The following DNAAF11 variants were observed in gnomAD, a reference collection of about 807,000 sequenced individuals.
DNAAF11 encodes leucine rich repeat containing 6.
Under a neutral mutation model 60.8 loss-of-function variants are expected in DNAAF11, and 45 were observed. The ratio of observed to expected loss-of-function variants is 0.74; its 90% CI spans 0.58 to 0.95. DNAAF11 has a LOEUF of 0.95. Among genes scored for constraint, DNAAF11 ranks in the 40% least tolerant of loss-of-function variants. The pLI, the probability that DNAAF11 is intolerant of heterozygous loss-of-function variation, is 0.00. For synonymous variants in DNAAF11, 191 were observed against 183.5 expected, an observed-to-expected ratio of 1.04 and a Z score of -0.33; for missense variants, 546 against 546.2, an observed-to-expected ratio of 1.00 and a Z score of 0.00.
At chr8:132,676,137 A>G (rs529332942), upstream of DNAAF11, among the ~76,000 whole-genome samples, 1 of 152,192 alleles carries the variant, frequency 6.6e-6, no homozygotes, top group Non-Finnish European at 1.5e-5. Flanking sequence ...TTTCCGGCTA[A>G]CAAGCTTTCC....
chr8:132,612,344 A>G (rs1307360964), intron 8 of DNAAF11, among the ~76,000 whole-genome samples: 2 of 152,158 alleles, frequency 1.3e-5, no homozygotes, highest in Non-Finnish European at 2.9e-5. Flanking sequence ...CTACAGCTTC[A>G]CATGTGATAT....
chr8:132,595,734 A>G (rs779494002), intron 10 of DNAAF11, among the ~76,000 whole-genome samples: 1 of 152,174 alleles, frequency 6.6e-6, no homozygotes, highest in Non-Finnish European at 1.5e-5. Flanking sequence ...ATAATTTCAT[A>G]ATAGGAAAGA....
At chr8:132,624,020 T>C (rs1820006762) in intron 6 of DNAAF11, among the ~76,000 whole-genome samples, 1 of 152,090 alleles carries the variant, frequency 6.6e-6, no homozygotes, top group Non-Finnish European at 1.5e-5. Context: ...CAGCCTTACT[T>C]TATTAGGTAA....
the DNAAF11 span, among the ~76,000 whole-genome samples, chr8:132,689,120 T>A: frequency 6.6e-6 from 1 of 152,228 alleles, no homozygotes; most frequent in Non-Finnish European, 1.5e-5. Context: ...ATGGCACATG[T>A]CACAAAATCT....
the DNAAF11 span, among the ~76,000 whole-genome samples, chr8:132,689,336 A>AGAGT: frequency 7.2e-5 from 11 of 152,322 alleles, no homozygotes; most frequent in African/African-American, 2.2e-4. Flanking sequence ...GGGGGGAACT[A>AGAGT]GAGTTTTGGT....
intron 1 of DNAAF11, among the ~76,000 whole-genome samples, chr8:132,666,817 T>G (rs1015301982): frequency 6.6e-6 from 1 of 152,172 alleles, no homozygotes; most frequent in Non-Finnish European, 1.5e-5. Flanking sequence ...AAGCACAGTG[T>G]GCATACCACT....
chr8:132,610,670 C>T (rs1355295265), intron 9 of DNAAF11, among the ~76,000 whole-genome samples: 1 of 151,946 alleles, frequency 6.6e-6, no homozygotes, highest in Non-Finnish European at 1.5e-5. Context: ...AATGGGTGTA[C>T]AATTTAATTT....
intron 11 of DNAAF11, among the ~76,000 whole-genome samples, chr8:132,578,852 C>T (rs1393981943): frequency 6.6e-6 from 1 of 152,240 alleles, no homozygotes; most frequent in Non-Finnish European, 1.5e-5. Context: ...TGAAGTTGTG[C>T]TTTGGTCAAT....
At chr8:132,600,759 A>AT (rs1260317607) in intron 10 of DNAAF11, among the ~76,000 whole-genome samples, 33 of 152,172 alleles carry the variant, frequency 2.2e-4, no homozygotes, top group Admixed American at 7.9e-4. Context: ...CTTACACCTT[A>AT]ACAAAAATTA....
chr8:132,633,697 G>C (rs2130472877), intron 4 of DNAAF11, among the ~76,000 whole-genome samples: 1 of 152,242 alleles, frequency 6.6e-6, no homozygotes, highest in Non-Finnish European at 1.5e-5. Flanking sequence ...GATCTTGAAT[G>C]ATCAGGATGA....
intron 10 of DNAAF11, among the ~76,000 whole-genome samples, chr8:132,596,827 G>A (rs992763636): frequency 1.3e-5 from 2 of 152,182 alleles, no homozygotes; most frequent in African/African-American, 4.8e-5. Context: ...GAGTGATGGG[G>A]GCATCAGCCT....
At chr8:132,663,819 C>A (rs1312857588) in intron 1 of DNAAF11, among the ~76,000 whole-genome samples, 2 of 152,192 alleles carry the variant, frequency 1.3e-5, no homozygotes, top group East Asian at 3.9e-4. Context: ...TGAAGACAGA[C>A]CATGACATCA....
rs1815013192 is a variant in DNAAF11, at chr8:132,578,646, C to CT, written c.1226+5047dup. On this transcript the variant is annotated intron_variant, in intron 11 of 11. Transcript: ENST00000620350. ...TTTATCAAAAAACATAAAGAAAGAA[C>CT]TTTTTTCTGGTTTCCTAGTAAGCTA... 2.5e-5 allele frequency: 15 copies of CT among 591,352 alleles called. No homozygotes were observed. In the South Asian group the frequency reaches 3.2e-4, roughly 13 times the overall value. The allele number at this position is 591,352 out of a possible 1,614,324, so 36.6% of individuals were successfully genotyped here. A position where few individuals can be genotyped will look rare whatever the true frequency, so the allele number is the denominator to read the frequency against.
At position 132,572,412 on chromosome 8, in the gene DNAAF11, A is replaced by T. The variant is rs1288664161; in HGVS notation, c.1295T>A (p.Val432Asp). ...TCTGGGTGTGTGTTTTTTCTCTTGA[A>T]CTATGTTAGTCACATCAGGGAATGA... is the stretch of plus-strand genomic sequence containing the variant. ...KHSFPDVTNI[V>D]QEKKHTPRRR... is the part of the protein sequence containing the mutation. The change falls in exon 12 of 12, where the codon GTT becomes GAT. Residue 432 changes from valine (V) to aspartate (D), a missense_variant. Coordinates refer to ENST00000620350, the MANE Select transcript of DNAAF11 (RefSeq NM_012472.6). 1 of 1,613,838 alleles carries T rather than the reference A, an allele frequency of 6.2e-7. No individual in the cohort carries two copies. The highest frequency in any genetic ancestry group is 2.2e-5 in the East Asian group (1 of 44,856).
intron 10 of DNAAF11, among the ~76,000 whole-genome samples, chr8:132,585,340 C>CA (rs1269510436): frequency 1.3e-5 from 2 of 152,116 alleles, no homozygotes; most frequent in Non-Finnish European, 2.9e-5. Flanking sequence ...TGTGTGATGC[C>CA]ATGCAGCTCC....
chr8:132,595,348 G>GAAAAAAAAAAAAAAAAAAAAAAAAAAAAA (rs71306394), intron 10 of DNAAF11, among the ~76,000 whole-genome samples: 1 of 57,412 alleles, frequency 1.7e-5, no homozygotes, highest in African/African-American at 1.1e-4. Flanking sequence ...AGACAGAGGG[G>GAAAAAAAAAAAAAAAAAAAAAAAAAAAAA]AAAAAAAAAA....
intron 3 of DNAAF11, among the ~76,000 whole-genome samples, chr8:132,645,155 AGCAACATTTGCTGTTCT>A (rs1822252206): frequency 6.6e-6 from 1 of 152,190 alleles, no homozygotes; most frequent in Non-Finnish European, 1.5e-5. Flanking sequence ...AGGATCAGGC[AGCAACATTTGCTGTTCT>A]GCAATATTTG....
chr8:132,608,952 A>G (rs1426418202), intron 10 of DNAAF11, among the ~76,000 whole-genome samples: 1 of 152,222 alleles, frequency 6.6e-6, no homozygotes, highest in Non-Finnish European at 1.5e-5. Context: ...AAATTATTAC[A>G]GAAATCTTTT....
intron 1 of DNAAF11, among the ~76,000 whole-genome samples, chr8:132,668,392 C>T (rs1245142912): frequency 1.3e-5 from 2 of 151,738 alleles, no homozygotes; most frequent in African/African-American, 2.4e-5. Context: ...AGACAGTGAT[C>T]GGTGCTACTG....
Sources: allele counts gnomAD v4.1 joint callset (sites outside exome capture counted in the v4.1 genomes callset), GRCh38; gene constraint gnomAD v4.1.1; transcripts MANE v1.5; gene names NCBI Gene and HGNC (gene_info 2026-07-23, HGNC 2026-07-21).